LYN: variants seen among roughly 807,000 people sequenced by gnomAD.
LYN encodes tyrosine-protein kinase Lyn.
Under a neutral mutation model 65.0 loss-of-function variants are expected in LYN, and 12 were observed. The observed-to-expected ratio is 0.18, with a 90% CI of 0.12 to 0.30. LYN has a LOEUF of 0.30. Ranked by LOEUF, LYN falls within the 10% of genes least tolerant of loss-of-function variation. The pLI is 1.00. For synonymous variants in LYN, 222 were observed against 221.2 expected (o/e 1.00, Z -0.03); for missense variants, 380 against 623.2 (o/e 0.61, Z 4.16).
At chr8:56,005,330 C>T (rs1037540659) in intron 12 of LYN, among the ~76,000 whole-genome samples, 17 of 152,224 alleles carry the variant, frequency 1.1e-4, no homozygotes, top group Non-Finnish European at 2.1e-4. Flanking sequence ...CCTGGTCTTC[C>T]ATACCACACT....
At chr8:55,903,115 G>C (rs1805320397) in intron 1 of LYN, among the ~76,000 whole-genome samples, 1 of 152,160 alleles carries the variant, frequency 6.6e-6, no homozygotes, top group South Asian at 2.1e-4. Context: ...CCACAGTGCT[G>C]GGATTACATG....
rs775448775 is a variant in LYN at position 55,941,901 on chromosome 8, C to T, written c.42C>T (p.Asp14=). 96 of 1,611,892 alleles carry T rather than the reference C, an allele frequency of 6.0e-5. 2 individuals are homozygous for T. Among genetic ancestry groups the T allele is most frequent in the South Asian group, 5.1e-4 (46 of 91,038 alleles). Residue 14 remains aspartate (D), a synonymous_variant, in exon 2 of 13, where the codon GAC becomes GAT. Transcript: ENST00000519728. The part of the protein sequence containing the change: ...IKSKGKDSLS[D]DGVDLKTQPV... ...CAAAAGGGAAAGACAGCTTGAGTGA[C>T]GATGGAGTAGATTTGAAGACTCAAC...
At chr8:55,910,361 C>A (rs1418534947) in intron 1 of LYN, among the ~76,000 whole-genome samples, 2 of 152,142 alleles carry the variant, frequency 1.3e-5, no homozygotes, top group Non-Finnish European at 2.9e-5. Flanking sequence ...CATTCTTCCG[C>A]ATATGGCAAC....
At chr8:55,909,751 C>T (rs1313672201) in intron 1 of LYN, among the ~76,000 whole-genome samples, 1 of 152,174 alleles carries the variant, frequency 6.6e-6, no homozygotes, top group Non-Finnish European at 1.5e-5. Context: ...TCTGCAACCT[C>T]ACCAATATCT....
At chr8:56,003,973 C>T (rs1178033354) in intron 12 of LYN, among the ~76,000 whole-genome samples, 1 of 126,016 alleles carries the variant, frequency 7.9e-6, no homozygotes, top group African/African-American at 2.9e-5. Context: ...ACTCTTGTTG[C>T]CCAGGCTGGA....
chr8:55,888,438 C>T (rs333616), intron 1 of LYN, among the ~76,000 whole-genome samples: 105,351 of 152,014 alleles, frequency 0.69, 38,342 homozygotes, highest in African/African-American at 0.92. Context: ...TGAAGCTAAT[C>T]TTTTTGTCCA....
At position 55,933,742 on chromosome 8, in the gene LYN, C is replaced by T. The variant is rs1171213503; in HGVS notation, c.-5-8113C>T. On this transcript the variant is annotated intron_variant, in intron 1 of 12. Coordinates refer to ENST00000519728, the MANE Select transcript of LYN (RefSeq NM_002350.4). ...CCCTTCCAGGCAGAGCCACATTTCC[C>T]TTTCAGTTTCTCTGTTCTAGATGCC... Among the ~76,000 whole-genome samples, 5 of 152,192 alleles carry T rather than the reference C, an allele frequency of 3.3e-5. No homozygotes were observed. In the South Asian group the frequency reaches 8.3e-4, roughly 25 times the overall value.
chr8:55,947,570 G>A lies in LYN; in HGVS notation c.179-48G>A, dbSNP rs368716879. 3,215 of 1,380,904 alleles carry A rather than the reference G, an allele frequency of 2.3e-3. 84 individuals are homozygous for A. In the South Asian group the frequency reaches 0.036, roughly 15 times the overall value. 85.5% of individuals were successfully genotyped at this position (1,380,904 alleles called of 1,614,324 possible). The stretch of plus-strand genomic sequence containing the variant: ...TGTGCCCCATGAGGTTTGTTAAAAC[G>A]CTTCTGCTGATGGATTCTTACAGGT... On this transcript the variant is annotated intron_variant, in intron 3 of 12. Coordinates refer to ENST00000519728, the MANE Select transcript of LYN (RefSeq NM_002350.4).
intron 1 of LYN, among the ~76,000 whole-genome samples, chr8:55,933,169 C>T (rs904468792): frequency 6.6e-6 from 1 of 152,128 alleles, no homozygotes; most frequent in African/African-American, 2.4e-5. Context: ...ATGAAAGCAC[C>T]ACAACTAATA....
chr8:55,942,295 G>T (rs1806633762), intron 2 of LYN, among the ~76,000 whole-genome samples: 1 of 148,158 alleles, frequency 6.7e-6, no homozygotes, highest in Non-Finnish European at 1.5e-5. Flanking sequence ...ATATATATGT[G>T]TGTGTGTATA....
chr8:55,889,776 G>A (rs766598941), intron 1 of LYN, among the ~76,000 whole-genome samples: 6 of 152,222 alleles, frequency 3.9e-5, no homozygotes, highest in Non-Finnish European at 5.9e-5. Context: ...ACAGGGTGTC[G>A]AATTAATTTC....
chr8:55,994,450 AT>A (rs1284129640), intron 10 of LYN, among the ~76,000 whole-genome samples: 1 of 152,178 alleles, frequency 6.6e-6, no homozygotes, highest in Non-Finnish European at 1.5e-5. Context: ...TCTGAGAATC[AT>A]TTTTTTAAAT....
At chr8:55,988,620 A>G (rs1808151980) in intron 10 of LYN, among the ~76,000 whole-genome samples, 1 of 152,154 alleles carries the variant, frequency 6.6e-6, no homozygotes, top group Non-Finnish European at 1.5e-5. Flanking sequence ...CACCAGGAAA[A>G]TCAGATCTTC....
intron 1 of LYN, among the ~76,000 whole-genome samples, chr8:55,934,535 G>A (rs1585614228): frequency 6.6e-6 from 1 of 152,198 alleles, no homozygotes; most frequent in Admixed American, 6.5e-5. Context: ...GACACCCACC[G>A]TGCAAGTGCA....
At chr8:55,964,752 T>A (rs1419179057) in intron 8 of LYN, among the ~76,000 whole-genome samples, 2 of 152,136 alleles carry the variant, frequency 1.3e-5, no homozygotes, top group Non-Finnish European at 2.9e-5. Flanking sequence ...TACATACTCA[T>A]TGACAAATCC....
intron 1 of LYN, among the ~76,000 whole-genome samples, chr8:55,911,057 C>A (rs34453579): frequency 3.7e-5 from 2 of 53,524 alleles, no homozygotes; most frequent in Non-Finnish European, 6.9e-5. Flanking sequence ...CCTCCATGTC[C>A]GGCTAATTTA....
At chr8:55,942,333 ATATATATATGTG>A (rs751243342) in intron 2 of LYN, among the ~76,000 whole-genome samples, 1,922 of 128,036 alleles carry the variant, frequency 0.015, 39 homozygotes, top group African/African-American at 0.047. Context: ...ATATATGTGT[ATATATATATGTG>A]TATATATATG....
At chr8:55,992,221 C>T (rs567241261) in intron 10 of LYN, among the ~76,000 whole-genome samples, 69 of 152,264 alleles carry the variant, frequency 4.5e-4, no homozygotes, top group African/African-American at 1.6e-3. Context: ...AGAGAATCTC[C>T]TCATTTGGTT....
intron 8 of LYN, among the ~76,000 whole-genome samples, chr8:55,957,066 TGAGA>T (rs1298656460): frequency 2.0e-5 from 3 of 152,232 alleles, no homozygotes; most frequent in Non-Finnish European, 4.4e-5. Flanking sequence ...TTCAAGGCAG[TGAGA>T]GAGCCAGGCT....
Sources: gnomAD v4.1 joint callset for allele counts (sites outside exome capture counted in the v4.1 genomes callset) on GRCh38, gnomAD v4.1.1 for gene constraint, MANE v1.5 for transcripts, NCBI Gene and HGNC (gene_info 2026-07-23, HGNC 2026-07-21) for gene names.